Variants in PCDHA10 observed in about 807,000 individuals in gnomAD.
PCDHA10 encodes protocadherin alpha-10.
PCDHA10 carries 45 observed loss-of-function variants against 61.2 expected under a neutral mutation model. The observed-to-expected ratio is 0.74, with a 90% CI of 0.58 to 0.94. The LOEUF (loss-of-function observed/expected upper bound fraction) is 0.94. Among genes scored for constraint, PCDHA10 ranks in the 40% least tolerant of loss-of-function variants. The pLI is 0.00. For synonymous variants in PCDHA10, 602 were observed against 548.8 expected, an observed-to-expected ratio of 1.10 and a Z score of -1.35; for missense variants, 1,278 against 1,236.2, an observed-to-expected ratio of 1.03 and a Z score of -0.51.
chr5:140,883,973 G>A (rs782157297), intron 1 of PCDHA10: 45 of 1,612,722 alleles, frequency 2.8e-5, no homozygotes, highest in Non-Finnish European at 3.5e-5. Flanking sequence ...GCTGACGCCC[G>A]GGGCTGGCAG....
At chr5:140,877,207 G>T in intron 1 of PCDHA10, 1 of 1,613,796 alleles carries the variant, frequency 6.2e-7, no homozygotes, top group Non-Finnish European at 8.5e-7. Flanking sequence ...CGCAGTTAGC[G>T]AGTTGGTACC....
chr5:140,882,449 C>T (rs782741434), intron 1 of PCDHA10: 1 of 1,614,022 alleles, frequency 6.2e-7, no homozygotes, highest in Admixed American at 1.7e-5. Context: ...GGAGCTGGTG[C>T]CGCGCCTGTT....
At chr5:140,870,070 G>A in intron 1 of PCDHA10, 2 of 1,613,880 alleles carry the variant, frequency 1.2e-6, no homozygotes, top group Non-Finnish European at 1.7e-6. Context: ...ACAGGCTACA[G>A]ATAAGGGGAC....
At chr5:140,916,072 AC>A (rs1445012621) in intron 1 of PCDHA10, among the ~76,000 whole-genome samples, 4 of 152,054 alleles carry the variant, frequency 2.6e-5, no homozygotes, top group Non-Finnish European at 5.9e-5. Flanking sequence ...TGTGGCCAGT[AC>A]TACCACTGGT....
At chr5:140,958,995 T>G (rs868959473) in intron 1 of PCDHA10, among the ~76,000 whole-genome samples, 1 of 152,148 alleles carries the variant, frequency 6.6e-6, no homozygotes, top group African/African-American at 2.4e-5. Flanking sequence ...TGCTAATCTT[T>G]TACTGTACCT....
chr5:140,932,608 T>C (rs573580763), intron 1 of PCDHA10, among the ~76,000 whole-genome samples: 1 of 151,996 alleles, frequency 6.6e-6, no homozygotes, highest in African/African-American at 2.4e-5. Flanking sequence ...TATTTTGACT[T>C]TGAAGCTGAT....
chr5:141,004,809 C>A (rs1319049687), intron 3 of PCDHA10, among the ~76,000 whole-genome samples: 1 of 152,144 alleles, frequency 6.6e-6, no homozygotes. Context: ...AGCTCAATTG[C>A]AGATTTGATT....
At chr5:140,962,494 A>T (rs1016662619) in intron 1 of PCDHA10, among the ~76,000 whole-genome samples, 4 of 152,130 alleles carry the variant, frequency 2.6e-5, no homozygotes, top group Admixed American at 2.6e-4. Context: ...CAATTTTCAG[A>T]CACCTCAGCC....
chr5:140,939,037 T>C (rs1295630675), intron 1 of PCDHA10, among the ~76,000 whole-genome samples: 2 of 152,212 alleles, frequency 1.3e-5, no homozygotes, highest in African/African-American at 4.8e-5. Context: ...TCGGAAGAGT[T>C]GTCTTAGTCC....
intron 1 of PCDHA10, chr5:140,875,971 CTT>C: frequency 6.2e-7 from 1 of 1,614,030 alleles, no homozygotes. Flanking sequence ...CGTAAACTCT[CTT>C]TTGACCTATG....
intron 1 of PCDHA10, among the ~76,000 whole-genome samples, chr5:140,941,368 G>A (rs2093051755): frequency 7.3e-6 from 1 of 136,646 alleles, no homozygotes; most frequent in Non-Finnish European, 1.5e-5. Context: ...CTAGGCTGGA[G>A]TGTAGTGACA....
intron 3 of PCDHA10, among the ~76,000 whole-genome samples, chr5:140,983,987 C>T (rs1372272659): frequency 6.6e-6 from 1 of 152,126 alleles, no homozygotes; most frequent in East Asian, 1.9e-4. Context: ...CGAGTTGAAG[C>T]AATTCATTAG....
intron 2 of PCDHA10, among the ~76,000 whole-genome samples, chr5:140,981,956 T>C (rs2096959461): frequency 6.6e-6 from 1 of 152,184 alleles, no homozygotes; most frequent in Non-Finnish European, 1.5e-5. Flanking sequence ...GGGTCATCTA[T>C]GCATAAAAGA....
chr5:140,918,621 T>C (rs1162983414), intron 1 of PCDHA10, among the ~76,000 whole-genome samples: 1 of 152,228 alleles, frequency 6.6e-6, no homozygotes, highest in Non-Finnish European at 1.5e-5. Flanking sequence ...AATGTTTGTG[T>C]TCCCCAAATT....
At position 140,856,259 on chromosome 5, in the gene PCDHA10, G is replaced by T. The variant is rs199529084; in HGVS notation, c.211G>T (p.Gly71Trp). The T allele has an allele frequency of 2.8e-5, 45 of 1,597,976 alleles. 8 individuals are homozygous for T. Among genetic ancestry groups the T allele is most frequent in the Non-Finnish European group, 2.9e-5 (34 of 1,167,878 alleles). The stretch of plus-strand genomic sequence containing the variant: ...GTTCCGGGTGGCGTCCAAAAGACAC[G>T]GGGACCTTCTGGAGGTAAATCTGCA... ...RLFRVASKRH[G>W]DLLEVNLQNG... The change falls in exon 1 of 4, where the codon GGG becomes TGG. Residue 71 changes from glycine (G) to tryptophan (W), a missense_variant. By Grantham distance (184) the Gly-to-Trp change is radical. Coordinates refer to ENST00000307360, the MANE Select transcript of PCDHA10 (RefSeq NM_018901.4).
intron 1 of PCDHA10, among the ~76,000 whole-genome samples, chr5:140,897,105 C>T (rs981189512): frequency 3.3e-5 from 5 of 152,062 alleles, no homozygotes; most frequent in South Asian, 2.1e-4. Flanking sequence ...TAAAAATCTC[C>T]ACTTTCTGTC....
In PCDHA10 at chr5:140,927,516, C is replaced by T. The variant is rs782661477; in HGVS notation, c.2389-51433C>T. 3.1e-6 allele frequency: 5 copies of T among 1,613,948 alleles called. No homozygotes were observed. The South Asian group carries it at 4.4e-5, about 14-fold the overall frequency. Reference sequence around the variant, plus strand: ...TGCTGGTGCTTACAGCTCGGGACGGCGGGCTACCTGCCCGCTCAGGAGACG... The same window carrying T: ...TGCTGGTGCTTACAGCTCGGGACGGTGGGCTACCTGCCCGCTCAGGAGACG... On this transcript the variant is annotated intron_variant, in intron 1 of 3. Transcript: ENST00000307360.
Position 140,869,285 on chromosome 5 carries a change from A to C in PCDHA10, c.2388+10849A>C, listed in dbSNP as rs201493000. The stretch of plus-strand genomic sequence containing the variant: ...GGGCTGGAGCTGGCGGAGCTGGTGC[A>C]GCGCCTGTTCCGGGTGGCGTCCAAA... On this transcript the variant is annotated intron_variant, in intron 1 of 3. Transcript: ENST00000307360. The C allele has an allele frequency of 2.9e-3, 4,695 of 1,613,540 alleles. 19 individuals carry two copies. Among genetic ancestry groups the C allele is most frequent in the African/African-American group, 9.9e-3 (743 of 75,038 alleles).
intron 3 of PCDHA10, among the ~76,000 whole-genome samples, chr5:140,994,127 A>T (rs536865883): frequency 6.6e-6 from 1 of 152,348 alleles, no homozygotes; most frequent in South Asian, 2.1e-4. Flanking sequence ...GATAAGGGCG[A>T]CAATAATGCC....
Sources: allele counts gnomAD v4.1 joint callset (sites outside exome capture counted in the v4.1 genomes callset), GRCh38; gene constraint gnomAD v4.1.1; transcripts MANE v1.5; gene names NCBI Gene and HGNC (gene_info 2026-07-23, HGNC 2026-07-21).